Variants in PAPSS1 observed in about 807,000 individuals in gnomAD.
PAPSS1 encodes the protein 3'-phosphoadenosine 5'-phosphosulfate synthase 1, also known as bifunctional 3'-phosphoadenosine 5'-phosphosulfate synthase 1.
A neutral mutation model predicts 72.0 loss-of-function variants in PAPSS1; 50 were observed. The ratio of observed to expected loss-of-function variants is 0.69; its 90% CI spans 0.55 to 0.88. PAPSS1 has a LOEUF of 0.88. Among genes scored for constraint, PAPSS1 ranks in the 40% least tolerant of loss-of-function variants. The probability of loss-of-function intolerance (pLI) is 0.00; values close to 1 mark genes in which losing one functional copy is unlikely to be tolerated. For synonymous variants in PAPSS1, 261 were observed against 263.6 expected (o/e 0.99, Z 0.09); for missense variants, 657 against 782.2 (o/e 0.84, Z 1.91).
In PAPSS1 at chr4:107,660,029, T is replaced by C. The variant is rs201349165; in HGVS notation, c.713A>G (p.Tyr238Cys). 3.1e-6 allele frequency: 5 copies of C among 1,605,552 alleles called. No homozygotes were observed. Among genetic ancestry groups the C allele is most frequent in the East Asian group, 2.2e-5 (1 of 44,708 alleles). Residue 238 changes from tyrosine to cysteine, a missense_variant, in exon 6 of 12, where the codon TAT becomes TGT. Tyr to Cys is a radical substitution (Grantham distance 194). Coordinates refer to ENST00000265174, the MANE Select transcript of PAPSS1 (RefSeq NM_005443.5). ...VDASYEVKELYVPENKLHLAK... is the reference protein window; with the variant it reads ...VDASYEVKELCVPENKLHLAK... Reference sequence around the variant, plus strand: ...CAAATGAAGTTTATTTTCTGGCACATATAGTTCTTTTACTTCATAAGATGC... The same window carrying C: ...CAAATGAAGTTTATTTTCTGGCACACATAGTTCTTTTACTTCATAAGATGC...
At chr4:107,692,965 G>C (rs913782355) in intron 3 of PAPSS1, among the ~76,000 whole-genome samples, 1 of 151,984 alleles carries the variant, frequency 6.6e-6, no homozygotes, top group Non-Finnish European at 1.5e-5. Flanking sequence ...ACGGACACAT[G>C]GGGGGAAACA....
At chr4:107,642,881 G>A (rs1726586266) in intron 10 of PAPSS1, among the ~76,000 whole-genome samples, 3 of 152,136 alleles carry the variant, frequency 2.0e-5, no homozygotes, top group Non-Finnish European at 1.5e-5. Flanking sequence ...CTGACTGGTC[G>A]AATCTACTAA....
intron 5 of PAPSS1, among the ~76,000 whole-genome samples, chr4:107,661,210 G>T (rs111970773): frequency 0.01 from 1,543 of 152,272 alleles, 29 homozygotes; most frequent in African/African-American, 0.034. Flanking sequence ...ATCTAATGTT[G>T]CCAAAGATGT....
At chr4:107,676,107 C>T (rs1007917962) in intron 5 of PAPSS1, among the ~76,000 whole-genome samples, 1 of 152,106 alleles carries the variant, frequency 6.6e-6, no homozygotes, top group Admixed American at 6.5e-5. Flanking sequence ...GGAAGCATTC[C>T]CTTTGAAAAC....
intron 1 of PAPSS1, among the ~76,000 whole-genome samples, chr4:107,704,852 G>A (rs1723295461): frequency 6.6e-6 from 1 of 152,154 alleles, no homozygotes; most frequent in South Asian, 2.1e-4. Context: ...TCAGAAGGCT[G>A]AGGCAGGAGA....
chr4:107,709,985 G>A (rs1246561666), intron 1 of PAPSS1, among the ~76,000 whole-genome samples: 1 of 152,200 alleles, frequency 6.6e-6, no homozygotes, highest in East Asian at 1.9e-4. Flanking sequence ...TTACAGAATT[G>A]CAAAGTGGTA....
chr4:107,646,825 C>T (rs60119905), intron 9 of PAPSS1, among the ~76,000 whole-genome samples: 5,330 of 152,230 alleles, frequency 0.035, 288 homozygotes, highest in African/African-American at 0.12. Context: ...TCCCCAACTG[C>T]CTCTAAGTGC....
intron 11 of PAPSS1, among the ~76,000 whole-genome samples, chr4:107,616,749 G>T (rs1230146920): frequency 6.6e-6 from 1 of 152,100 alleles, no homozygotes; most frequent in African/African-American, 2.4e-5. Context: ...GGGTGGCAGA[G>T]GGTCATAAGA....
intron 10 of PAPSS1, among the ~76,000 whole-genome samples, chr4:107,644,407 C>T (rs77916639): frequency 0.035 from 5,339 of 152,266 alleles, 323 homozygotes; most frequent in African/African-American, 0.12. Flanking sequence ...AACAAACAGG[C>T]TTTGCCCAGC....
chr4:107,634,116 C>T (rs570632103), intron 10 of PAPSS1, among the ~76,000 whole-genome samples: 111 of 152,122 alleles, frequency 7.3e-4, no homozygotes, highest in African/African-American at 2.6e-3. Flanking sequence ...CTCCCGGGCT[C>T]AGGCAATCCT....
At chr4:107,694,537 G>T (rs921268191) in intron 2 of PAPSS1, among the ~76,000 whole-genome samples, 1 of 152,092 alleles carries the variant, frequency 6.6e-6, no homozygotes, top group African/African-American at 2.4e-5. Flanking sequence ...AATTCACTTT[G>T]TCCTCTCGTT....
intron 9 of PAPSS1, 100 bp from the exon 10 acceptor site, chr4:107,645,170 C>T: frequency 1.3e-6 from 1 of 743,016 alleles, no homozygotes; most frequent in Non-Finnish European, 1.9e-6. Context: ...TAGGATTAAG[C>T]AAAACATATG....
intron 6 of PAPSS1, among the ~76,000 whole-genome samples, chr4:107,657,744 C>CAA (rs33998305): frequency 8.1e-6 from 1 of 123,142 alleles, no homozygotes; most frequent in South Asian, 2.6e-4. Flanking sequence ...GACCATGTCT[C>CAA]AAAAAAAAAA....
At chr4:107,629,416 T>C (rs1051192485) in intron 11 of PAPSS1, among the ~76,000 whole-genome samples, 3 of 152,188 alleles carry the variant, frequency 2.0e-5, no homozygotes, top group African/African-American at 7.2e-5. Flanking sequence ...ATTTTGATAG[T>C]AGAGACAAAA....
At chr4:107,661,498 G>A (rs1727180917) in intron 5 of PAPSS1, among the ~76,000 whole-genome samples, 1 of 152,142 alleles carries the variant, frequency 6.6e-6, no homozygotes, top group Non-Finnish European at 1.5e-5. Flanking sequence ...TGCTATATTA[G>A]TCAACTCTAA....
At chr4:107,663,795 A>T (rs992693656) in intron 5 of PAPSS1, among the ~76,000 whole-genome samples, 1 of 152,226 alleles carries the variant, frequency 6.6e-6, no homozygotes, top group Admixed American at 6.5e-5. Flanking sequence ...CCCATTTCAT[A>T]GATGAGCGAA....
intron 5 of PAPSS1, among the ~76,000 whole-genome samples, chr4:107,663,058 G>A (rs1727229381): frequency 6.6e-6 from 1 of 152,144 alleles, no homozygotes; most frequent in Non-Finnish European, 1.5e-5. Context: ...ATGCTAGGGG[G>A]AGAAAACACT....
At chr4:107,632,041 C>CA (rs1553918461) in intron 10 of PAPSS1, among the ~76,000 whole-genome samples, 181 bp from the exon 11 acceptor site, 2 of 151,916 alleles carry the variant, frequency 1.3e-5, no homozygotes, top group Non-Finnish European at 2.9e-5. Context: ...AAACCTCCCC[C>CA]AAACCAAAAG....
intron 6 of PAPSS1, among the ~76,000 whole-genome samples, chr4:107,657,394 A>G (rs1727047520): frequency 6.6e-6 from 1 of 152,140 alleles, no homozygotes; most frequent in South Asian, 2.1e-4. Context: ...GTGATGATCT[A>G]ATACTTTGAT....
Sources: gnomAD v4.1 joint callset for allele counts (sites outside exome capture counted in the v4.1 genomes callset) on GRCh38, gnomAD v4.1.1 for gene constraint, MANE v1.5 for transcripts, NCBI Gene and HGNC (gene_info 2026-07-23, HGNC 2026-07-21) for gene names.